SLC6A4: variants seen among roughly 807,000 people sequenced by gnomAD.
SLC6A4 encodes the protein sodium-dependent serotonin transporter.
In SLC6A4, 22 loss-of-function variants were observed where a neutral mutation model predicts 73.4. The ratio of observed to expected loss-of-function variants is 0.30; its 90% CI spans 0.21 to 0.43. The LOEUF (loss-of-function observed/expected upper bound fraction) is 0.43, where lower values mean the gene tolerates loss of function less well. SLC6A4 is among the 20% of genes least tolerant of loss of function. SLC6A4 has a pLI of 1.00. For synonymous variants in SLC6A4, 270 were observed against 315.5 expected, an observed-to-expected ratio of 0.86 and a Z score of 1.53; for missense variants, 593 against 808.5, an observed-to-expected ratio of 0.73 and a Z score of 3.23.
At chr17:30,218,960 C>T (rs1380826328) in intron 3 of SLC6A4, 29 bp from the exon 4 acceptor site, 1 of 1,612,990 alleles carries the variant, frequency 6.2e-7, no homozygotes, top group Admixed American at 1.7e-5. Context: ...AATTTCACTC[C>T]CTGCCCACGT....
rs11652121 is a variant in SLC6A4, at chr17:30,205,314, G to A, written c.1651-1975C>T. On this transcript the variant is annotated intron_variant, in intron 13 of 14. Transcript: ENST00000650711. ...CCCCTAGACATCATTTCCTCACTGC[G>A]TGGGGAATAAATATGGAAGTAAACA... is the stretch of plus-strand genomic sequence containing the variant. Among the ~76,000 whole-genome samples, 1,111 of 152,136 alleles carry A rather than the reference G, an allele frequency of 7.3e-3. 6 individuals are homozygous for A. The highest frequency in any genetic ancestry group is 0.011 in the Non-Finnish European group (733 of 68,014).
rs1905931904 is a variant in SLC6A4, at chr17:30,198,458, A to C, written c.1891T>G (p.Ter631GluextTer125). 1 of 1,593,954 alleles carries C rather than the reference A, an allele frequency of 6.3e-7. No individual in the cohort carries two copies. The highest frequency in any genetic ancestry group is 1.3e-5 in the African/African-American group (1 of 74,404). The change falls in exon 15 of 15, where the codon TAA becomes GAA. Residue 631 changes from the stop codon to glutamate, a stop_lost. Transcript: ENST00000650711. Reference protein sequence around the residue: ...PCGDIRLNAV* With the variant: ...PCGDIRLNAVE ...CCTTTTTCCTCTCGGTGAGTGTGTT[A>C]CACAGCATTCAAGCGGATGTCCCCA...
intron 8 of SLC6A4, among the ~76,000 whole-genome samples, chr17:30,213,710 A>G (rs1046811991): frequency 6.6e-6 from 1 of 150,932 alleles, no homozygotes; most frequent in African/African-American, 2.4e-5. Context: ...ATCAATTAAA[A>G]TTAAGTCTAA....
intron 14 of SLC6A4, among the ~76,000 whole-genome samples, chr17:30,198,949 T>C (rs1379539153): frequency 4.6e-5 from 7 of 152,144 alleles, no homozygotes; most frequent in African/African-American, 1.7e-4. Context: ...CCCAGGCTCC[T>C]TGTCTCCTGC....
rs1163100696 is a variant in SLC6A4, at chr17:30,196,032, G to A, written c.*2424C>T. On this transcript the variant is annotated 3_prime_UTR_variant, in exon 15 of 15. Transcript: ENST00000650711. ...GGCGTTTCACTATGTTGGCCAAGCT[G>A]GTCTCAAACTCCTGATGTCATGTGA... 1 of 151,666 alleles carries A rather than the reference G, an allele frequency of 6.6e-6. No homozygotes were observed. Among genetic ancestry groups the A allele is most frequent in the Non-Finnish European group, 1.5e-5 (1 of 67,938 alleles). The allele number at this position is 151,666 out of a possible 1,614,324, so 9.4% of individuals were successfully genotyped here.
intron 12 of SLC6A4, 141 bp downstream of exon 12, chr17:30,209,002 G>T (rs779157633): frequency 3.7e-6 from 2 of 535,638 alleles, no homozygotes; most frequent in East Asian, 6.6e-5. Context: ...GCGCCTGGCC[G>T]AGACTCTTTT....
At chr17:30,205,725 T>C (rs948295207) in intron 13 of SLC6A4, among the ~76,000 whole-genome samples, 2 of 151,978 alleles carry the variant, frequency 1.3e-5, no homozygotes, top group African/African-American at 4.8e-5. Flanking sequence ...ACCTCCAGGG[T>C]CTGGGGGAAA....
At chr17:30,231,392 A>G (rs1267531921) in intron 1 of SLC6A4, among the ~76,000 whole-genome samples, 3 of 151,446 alleles carry the variant, frequency 2.0e-5, no homozygotes, top group Non-Finnish European at 2.9e-5. Context: ...TATAGTGTAT[A>G]CAGACACATA....
chr17:30,232,045 T>G (rs1907129712), intron 1 of SLC6A4, among the ~76,000 whole-genome samples: 1 of 152,216 alleles, frequency 6.6e-6, no homozygotes, highest in African/African-American at 2.4e-5. Context: ...TCCCACTCAC[T>G]AATTCTTGGC....
In SLC6A4 at chr17:30,229,383, A is replaced by G. The variant is rs543056664; in HGVS notation, c.-221+6230T>C. Reference sequence around the variant, plus strand: ...GTAGAACACAGCGTTGTTAAGTGCTACACGACGGCTTAGGGGTGGGGAGGG... The same window carrying G: ...GTAGAACACAGCGTTGTTAAGTGCTGCACGACGGCTTAGGGGTGGGGAGGG... On this transcript the variant is annotated intron_variant, in intron 1 of 14. Coordinates refer to ENST00000650711, the MANE Select transcript of SLC6A4 (RefSeq NM_001045.6). Among the ~76,000 whole-genome samples the G allele has an allele frequency of 4.6e-5, 7 of 152,296 alleles. No individual in the cohort carries two copies. In the South Asian group the frequency reaches 1.4e-3, roughly 32 times the overall value.
chr17:30,204,589 G>A (rs1249280266), intron 13 of SLC6A4: 1 of 152,196 alleles, frequency 6.6e-6, no homozygotes, highest in Non-Finnish European at 1.5e-5. Context: ...GTTGGGGCAA[G>A]TGCTACTTCA....
At chr17:30,199,086 T>C (rs182147221) in intron 14 of SLC6A4, among the ~76,000 whole-genome samples, 1 of 152,284 alleles carries the variant, frequency 6.6e-6, no homozygotes, top group East Asian at 1.9e-4. Flanking sequence ...TATCACATAG[T>C]TAAACTGTAA....
chr17:30,213,809 T>G (rs769180490), intron 8 of SLC6A4, among the ~76,000 whole-genome samples: 1 of 152,116 alleles, frequency 6.6e-6, no homozygotes, highest in African/African-American at 2.4e-5. Flanking sequence ...TGCAGTGGCA[T>G]GAACACAGCT....
chr17:30,214,634 C>CTTTTT (rs753290326), intron 8 of SLC6A4, among the ~76,000 whole-genome samples: 39 of 132,326 alleles, frequency 2.9e-4, no homozygotes, highest in East Asian at 6.4e-4. Context: ...TTCTTTCTTT[C>CTTTTT]TTTTTTTTTT....
Position 30,217,885 on chromosome 17 carries a change from T to C in SLC6A4, c.698+233A>G, listed in dbSNP as rs1016531273. On this transcript the variant is annotated intron_variant, in intron 5 of 14. Coordinates refer to ENST00000650711, the MANE Select transcript of SLC6A4 (RefSeq NM_001045.6). ...GAAGGGAGGGACGGGCTTGGGCGCA[T>C]TGGAGCAAACTGACTTGGCGCATGA... Among the ~76,000 whole-genome samples the C allele has an allele frequency of 3.0e-4, 45 of 152,260 alleles. 1 individual carries two copies. The highest frequency in any genetic ancestry group is 5.3e-4 in the Non-Finnish European group (36 of 68,008).
chr17:30,216,188 T>G lies in SLC6A4; in HGVS notation c.866A>C (p.Tyr289Ser). 1 of 1,609,986 alleles carries G rather than the reference T, an allele frequency of 6.2e-7. No individual in the cohort carries two copies. The highest frequency in any genetic ancestry group is 8.5e-7 in the Non-Finnish European group (1 of 1,178,432). ...CACCAGCAGGACAGAAAGGATGATATAAGGGAAGGTGGCTGTCACCCACAC... is the reference window on the plus strand; with the variant it reads ...CACCAGCAGGACAGAAAGGATGATAGAAGGGAAGGTGGCTGTCACCCACAC... Reference protein sequence around the residue: ...KVVWVTATFPYIILSVLLVRG... With the variant: ...KVVWVTATFPSIILSVLLVRG... Residue 289 changes from tyrosine to serine, a missense_variant, in exon 7 of 15, where the codon TAT becomes TCT. By Grantham distance (144) the Tyr-to-Ser change is moderately radical (BLOSUM62 -2). Coordinates refer to ENST00000650711, the MANE Select transcript of SLC6A4 (RefSeq NM_001045.6).
At position 30,235,447 on chromosome 17, in the gene SLC6A4, C is replaced by A. The variant is rs1409906184; in HGVS notation, c.-221+166G>T. Among the ~76,000 whole-genome samples, 2 of 152,214 alleles carry A rather than the reference C, an allele frequency of 1.3e-5. No individual in the cohort carries two copies. Among genetic ancestry groups the A allele is most frequent in the Non-Finnish European group, 2.9e-5 (2 of 68,040 alleles). ...AGCTTCAGCTCTGGCTCTTGCTGAG[C>A]GTGGAGGGCGCAGGGGCAGGATCCG... On this transcript the variant is annotated intron_variant, in intron 1 of 14. Coordinates refer to ENST00000650711, the MANE Select transcript of SLC6A4 (RefSeq NM_001045.6). The surrounding 1 kb of genome is among the most constrained non-coding windows in gnomAD (Gnocchi z 4.5).
intron 12 of SLC6A4, among the ~76,000 whole-genome samples, chr17:30,208,668 A>C (rs1906284447): frequency 6.6e-6 from 1 of 152,100 alleles, no homozygotes; most frequent in African/African-American, 2.4e-5. Flanking sequence ...AACATGCAAA[A>C]GTGGTTTATT....
At chr17:30,210,899 C>G (rs1906365556) in intron 10 of SLC6A4, among the ~76,000 whole-genome samples, 1 of 152,210 alleles carries the variant, frequency 6.6e-6, no homozygotes, top group Admixed American at 6.5e-5. Context: ...TATATGAGGT[C>G]TCTCGGGGAG....
Sources: gnomAD v4.1 joint callset for allele counts (sites outside exome capture counted in the v4.1 genomes callset) on GRCh38, gnomAD v4.1.1 for gene constraint, Gnocchi (gnomAD v3.1) non-coding constraint, MANE v1.5 for transcripts, NCBI Gene and HGNC (gene_info 2026-07-23, HGNC 2026-07-21) for gene names.